Variants in USP42 observed in about 807,000 individuals in gnomAD.
USP42 encodes ubiquitin carboxyl-terminal hydrolase 42.
Under a neutral mutation model 113.0 loss-of-function variants are expected in USP42, and 23 were observed. The observed-to-expected ratio is 0.20, with a 90% CI of 0.15 to 0.29. The LOEUF (loss-of-function observed/expected upper bound fraction) is 0.29. USP42 is among the 10% of genes least tolerant of loss of function. The pLI is 1.00. For synonymous variants in USP42, 933 were observed against 699.0 expected (o/e 1.33, Z -5.28); for missense variants, 2,174 against 1,779.8 (o/e 1.22, Z -3.99).
chr7:6,101,205 A>G (rs1040332320), upstream of USP42, among the ~76,000 whole-genome samples: 1 of 151,102 alleles, frequency 6.6e-6, no homozygotes, highest in Non-Finnish European at 1.5e-5. Context: ...AGCGAACACC[A>G]CAGCAGCAGA....
At position 6,155,212 on chromosome 7, in the gene USP42, G is replaced by A; in HGVS notation, c.3641+17G>A. The A allele has an allele frequency of 6.6e-7, 1 of 1,514,030 alleles. No homozygotes were observed. Among genetic ancestry groups the A allele is most frequent in the Non-Finnish European group, 8.8e-7 (1 of 1,138,494 alleles). The allele number at this position is 1,514,030 out of a possible 1,614,324, so 93.8% of individuals were successfully genotyped here. A position where few individuals can be genotyped will look rare whatever the true frequency, so the allele number is the denominator to read the frequency against. On this transcript the variant is annotated intron_variant, in intron 15 of 17. Transcript: ENST00000306177. ...CGACTCCAGGTGAGCCTGGGGCCTT[G>A]TGCTCCCCGAGGCGCTGGCGCTGCT...
the USP42 span, among the ~76,000 whole-genome samples, chr7:6,088,606 T>A: frequency 6.6e-6 from 1 of 151,290 alleles, no homozygotes. Flanking sequence ...CCTAGGAGGC[T>A]AACTCATCCT....
the USP42 span, among the ~76,000 whole-genome samples, chr7:6,092,232 C>T: frequency 1.5e-5 from 2 of 136,268 alleles, no homozygotes; most frequent in Admixed American, 1.6e-4. Context: ...GGCTGGAGTG[C>T]AGTGGTGTGA....
chr7:6,110,428 T>C (rs1779537820), intron 1 of USP42, among the ~76,000 whole-genome samples: 1 of 152,224 alleles, frequency 6.6e-6, no homozygotes, highest in Admixed American at 6.5e-5. Context: ...GTAGCCCTAA[T>C]ATTTTAAAAT....
Position 6,139,460 on chromosome 7 carries a change from C to A in USP42, c.656+266C>A, listed in dbSNP as rs929590230. The A allele has an allele frequency of 2.8e-5, 9 of 322,618 alleles. No homozygotes were observed. In the South Asian group the frequency reaches 5.6e-4, roughly 20 times the overall value. The allele number at this position is 322,618 out of a possible 1,614,324, so 20.0% of individuals were successfully genotyped here. On this transcript the variant is annotated intron_variant, in intron 5 of 17. Coordinates refer to ENST00000306177, the MANE Select transcript of USP42 (RefSeq NM_032172.3). The surrounding 1 kb of genome is among the most constrained non-coding windows in gnomAD (Gnocchi z 4.5). ...TTGGTCTTGCAGCTATTTAATTTCT[C>A]ATTATCAGCAGACGTCTGCAGATCT...
chr7:6,111,485 T>G, intron 2 of USP42, 111 bp downstream of exon 2: 1 of 1,327,976 alleles, frequency 7.5e-7, no homozygotes, highest in Non-Finnish European at 1.0e-6. Flanking sequence ...GCCACCTGAG[T>G]GGCCAGCAGA....
Position 6,149,871 on chromosome 7 carries a change from A to G in USP42, c.1675A>G (p.Thr559Ala), listed in dbSNP as rs759211110. 5 of 1,614,018 alleles carry G rather than the reference A, an allele frequency of 3.1e-6. No homozygotes were observed. In the East Asian group the frequency reaches 1.1e-4, roughly 36 times the overall value. ...PTKPVPSSTI[T>A]NSAVQSTSNA... The stretch of plus-strand genomic sequence containing the variant: ...CAAGCCCGTTCCCTCTTCTACCATT[A>G]CCAATTCTGCAGTACAGTCTACCTC... The change falls in exon 13 of 18, where the codon ACC becomes GCC. Residue 559 changes from threonine (T) to alanine (A), a missense_variant. Thr to Ala is a moderately conservative substitution (Grantham distance 58). Coordinates refer to ENST00000306177, the MANE Select transcript of USP42 (RefSeq NM_032172.3).
chr7:6,111,643 C>G (rs998979373), intron 2 of USP42, among the ~76,000 whole-genome samples: 1 of 150,594 alleles, frequency 6.6e-6, no homozygotes, highest in African/African-American at 2.5e-5. Flanking sequence ...CGCTCTGTCA[C>G]CCAGGCTGGA....
At chr7:6,109,862 G>A (rs1361802169) in intron 1 of USP42, among the ~76,000 whole-genome samples, 5 of 151,754 alleles carry the variant, frequency 3.3e-5, no homozygotes, top group Non-Finnish European at 5.9e-5. Flanking sequence ...CACCACGCCC[G>A]GCTAATTTTT....
intron 7 of USP42, 111 bp downstream of exon 7, chr7:6,141,095 C>A: frequency 4.2e-6 from 2 of 479,148 alleles, no homozygotes; most frequent in South Asian, 3.5e-5. Flanking sequence ...TTGAAAAATT[C>A]AATATGCTAA....
At chr7:6,145,430 C>T in intron 9 of USP42, 86 bp from the exon 10 acceptor site, 2 of 1,539,142 alleles carry the variant, frequency 1.3e-6, no homozygotes, top group East Asian at 2.3e-5. Context: ...GTCTCCCCTC[C>T]TAGGAAGCTC....
At chr7:6,155,411 TGTC>T (rs1782388446) in intron 15 of USP42, among the ~76,000 whole-genome samples, 1 of 152,242 alleles carries the variant, frequency 6.6e-6, no homozygotes, top group Admixed American at 6.5e-5. Context: ...TTCTTCATGG[TGTC>T]GTTAAATGCC....
At chr7:6,113,094 G>A (rs1030845701) in intron 2 of USP42, among the ~76,000 whole-genome samples, 3 of 151,576 alleles carry the variant, frequency 2.0e-5, no homozygotes, top group East Asian at 1.9e-4. Flanking sequence ...TAGTAGAGAC[G>A]GGGTTTCACC....
chr7:6,112,905 T>C (rs1262938675), intron 2 of USP42, among the ~76,000 whole-genome samples: 3 of 145,908 alleles, frequency 2.1e-5, no homozygotes, highest in African/African-American at 2.6e-5. Flanking sequence ...AGTTTCTTTT[T>C]TTTTTTTTTT....
At chr7:6,098,567 G>C in the USP42 span, among the ~76,000 whole-genome samples, 1 of 150,146 alleles carries the variant, frequency 6.7e-6, no homozygotes, top group Non-Finnish European at 1.5e-5. Context: ...TTTTTCTTGA[G>C]ACAGAGTCTC....
chr7:6,138,887 G>C (rs1037589171), intron 4 of USP42, among the ~76,000 whole-genome samples: 2 of 152,134 alleles, frequency 1.3e-5, no homozygotes, highest in African/African-American at 4.8e-5. Flanking sequence ...CCAGTCCCTG[G>C]TGCCCAAACG....
At position 6,161,117 on chromosome 7, in the gene USP42, C is replaced by T. The variant is rs1222298277; in HGVS notation, c.*599C>T. ...TTGAACTTTGTGGAACTGTTCCAAT[C>T]AATCAATTTCCCAGTTATGATGAGT... On this transcript the variant is annotated 3_prime_UTR_variant, in exon 18 of 18. Coordinates refer to ENST00000306177, the MANE Select transcript of USP42 (RefSeq NM_032172.3). 4 of 151,672 alleles carry T rather than the reference C, an allele frequency of 2.6e-5. No homozygotes were observed. Among genetic ancestry groups the T allele is most frequent in the Non-Finnish European group, 5.9e-5 (4 of 67,810 alleles). The allele number at this position is 151,672 out of a possible 1,614,324, so 9.4% of individuals were successfully genotyped here. A position where few individuals can be genotyped will look rare whatever the true frequency, so the allele number is the denominator to read the frequency against.
the USP42 span, among the ~76,000 whole-genome samples, chr7:6,090,909 G>C: frequency 6.7e-6 from 1 of 149,694 alleles, no homozygotes; most frequent in African/African-American, 2.5e-5. Flanking sequence ...TAACTAAAAA[G>C]TATTATGTAT....
In USP42 at chr7:6,140,266, G is replaced by A. The variant is rs1039232820; in HGVS notation, c.724+71G>A. On this transcript the variant is annotated intron_variant, in intron 6 of 17. Coordinates refer to ENST00000306177, the MANE Select transcript of USP42 (RefSeq NM_032172.3). ...TAAAAAATGGTAATAGTAGGACAGG[G>A]TTAGTCCTACTAGGAAGGAAGGAAA... 11 of 1,371,470 alleles carry A rather than the reference G, an allele frequency of 8.0e-6. No individual in the cohort carries two copies. The African/African-American group carries it at 1.6e-4, about 20-fold the overall frequency. 85.0% of individuals were successfully genotyped at this position (1,371,470 alleles called of 1,614,324 possible).
Sources: allele counts gnomAD v4.1 joint callset (sites outside exome capture counted in the v4.1 genomes callset), GRCh38; gene constraint gnomAD v4.1.1; non-coding constraint Gnocchi (gnomAD v3.1); transcripts MANE v1.5; gene names NCBI Gene and HGNC (gene_info 2026-07-23, HGNC 2026-07-21).